The following CNTN3 variants were observed in gnomAD, a reference collection of about 807,000 sequenced individuals.
CNTN3 encodes contactin-3.
Under a neutral mutation model 119.1 loss-of-function variants are expected in CNTN3, and 60 were observed. That is an observed-to-expected ratio of 0.50 (90% CI 0.41 to 0.62). CNTN3 has a LOEUF of 0.62. Among genes scored for constraint, CNTN3 ranks in the 20% least tolerant of loss-of-function variants. CNTN3 has a pLI of 0.00. For missense variants in CNTN3, 1,101 were observed against 1,242.4 expected, an observed-to-expected ratio of 0.89 and a Z score of 1.71; for synonymous variants, 450 against 438.7, an observed-to-expected ratio of 1.03 and a Z score of -0.32.
intron 5 of CNTN3, among the ~76,000 whole-genome samples, chr3:74,412,703 T>C (rs1295121748): frequency 6.6e-6 from 1 of 152,134 alleles, no homozygotes; most frequent in Admixed American, 6.6e-5. Context: ...ATTTAAAAAA[T>C]ATTGGAAAAT....
chr3:74,273,618 C>G (rs1701824347), intron 20 of CNTN3, among the ~76,000 whole-genome samples: 2 of 152,106 alleles, frequency 1.3e-5, no homozygotes, highest in East Asian at 3.9e-4. Context: ...AATTTAGGAG[C>G]TGAGTGAAAT....
intron 2 of CNTN3, among the ~76,000 whole-genome samples, chr3:74,506,408 T>G (rs189160106): frequency 6.6e-6 from 1 of 152,152 alleles, no homozygotes; most frequent in South Asian, 2.1e-4. Flanking sequence ...GGTTAATTTA[T>G]AGTTATAGCG....
intron 5 of CNTN3, among the ~76,000 whole-genome samples, chr3:74,382,924 C>G (rs1704656821): frequency 6.6e-6 from 1 of 152,126 alleles, no homozygotes; most frequent in Non-Finnish European, 1.5e-5. Flanking sequence ...TCAAATCCTC[C>G]ATTGTCATTA....
intron 1 of CNTN3, among the ~76,000 whole-genome samples, chr3:74,540,636 A>C (rs1703830445): frequency 6.6e-6 from 1 of 152,084 alleles, no homozygotes; most frequent in Non-Finnish European, 1.5e-5. Context: ...CAATCAAGCA[A>C]TTTGCACACG....
chr3:74,472,659 G>C (rs1245331422), intron 4 of CNTN3, among the ~76,000 whole-genome samples: 1 of 152,182 alleles, frequency 6.6e-6, no homozygotes, highest in East Asian at 1.9e-4. Context: ...ATGAGACCAG[G>C]TTGAAAAGCA....
At chr3:74,472,932 G>A (rs12489548) in intron 4 of CNTN3, among the ~76,000 whole-genome samples, 20,589 of 151,898 alleles carry the variant, frequency 0.14, 1,726 homozygotes, top group East Asian at 0.46. Context: ...GCTAATTGTC[G>A]GTAATTTTTA....
At chr3:74,493,282 C>A in intron 3 of CNTN3, among the ~76,000 whole-genome samples, 1 of 152,128 alleles carries the variant, frequency 6.6e-6, no homozygotes, top group Non-Finnish European at 1.5e-5. Context: ...GCTAATAAGG[C>A]TAGGCAATAT....
At chr3:74,562,955 G>A (rs1219094875) in intron 1 of CNTN3, among the ~76,000 whole-genome samples, 8 of 152,152 alleles carry the variant, frequency 5.3e-5, no homozygotes, top group Non-Finnish European at 7.3e-5. Flanking sequence ...CCTGGCATGC[G>A]AAGAGATAAT....
chr3:74,301,146 G>A (rs558917), intron 16 of CNTN3, among the ~76,000 whole-genome samples: 62,183 of 152,032 alleles, frequency 0.41, 15,495 homozygotes, highest in East Asian at 0.72. Context: ...AGTGACAAAA[G>A]CATATTCACT....
rs145022774 is a variant in CNTN3, at chr3:74,543,657, T to A, written c.-80-22465A>T. Among the ~76,000 whole-genome samples, 500 of 152,314 alleles carry A rather than the reference T, an allele frequency of 3.3e-3. 2 individuals carry two copies. Among genetic ancestry groups the A allele is most frequent in the South Asian group, 1.0e-2 (48 of 4,824 alleles). ...AGATTTCACATTTTACGTATAGATA[T>A]TAATTTGTACCCCTCCTCCTAAAAA... On this transcript the variant is annotated intron_variant, in intron 1 of 22. Coordinates refer to ENST00000263665, the MANE Select transcript of CNTN3 (RefSeq NM_020872.3).
chr3:74,329,604 T>C (rs924927635), intron 13 of CNTN3, among the ~76,000 whole-genome samples: 1 of 152,196 alleles, frequency 6.6e-6, no homozygotes, highest in Admixed American at 6.5e-5. Context: ...CCCTCAACAT[T>C]TGTAAAATCA....
At chr3:74,568,195 G>T (rs1369993799) in intron 1 of CNTN3, among the ~76,000 whole-genome samples, 2 of 152,170 alleles carry the variant, frequency 1.3e-5, no homozygotes, top group African/African-American at 4.8e-5. Flanking sequence ...ATGATTTAAT[G>T]AAGGAAAACA....
intron 20 of CNTN3, among the ~76,000 whole-genome samples, chr3:74,281,262 A>G (rs1199715879): frequency 6.6e-6 from 1 of 152,174 alleles, no homozygotes; most frequent in Non-Finnish European, 1.5e-5. Context: ...CCTGATCTAC[A>G]GGAGAGAGTT....
chr3:74,573,329 C>T (rs750094826), intron 1 of CNTN3, among the ~76,000 whole-genome samples: 5 of 151,926 alleles, frequency 3.3e-5, no homozygotes, highest in Admixed American at 6.6e-5. Flanking sequence ...ACTCCCATCC[C>T]ATGCCAATCT....
intron 1 of CNTN3, among the ~76,000 whole-genome samples, chr3:74,565,068 A>G (rs1259509068): frequency 6.6e-6 from 1 of 152,146 alleles, no homozygotes; most frequent in African/African-American, 2.4e-5. Context: ...CCCAAAAGAA[A>G]AGAAAAAGAC....
At chr3:74,483,937 C>T (rs1425025575) in intron 4 of CNTN3, among the ~76,000 whole-genome samples, 3 of 152,104 alleles carry the variant, frequency 2.0e-5, no homozygotes, top group African/African-American at 7.2e-5. Flanking sequence ...TTTTGTCATA[C>T]ATGTCGTATT....
chr3:74,563,768 C>A (rs114679788), intron 1 of CNTN3, among the ~76,000 whole-genome samples: 1,964 of 152,206 alleles, frequency 0.013, 51 homozygotes, highest in African/African-American at 0.045. Context: ...TATCTATTCA[C>A]CACACCATTT....
intron 2 of CNTN3, among the ~76,000 whole-genome samples, chr3:74,507,626 C>CTTTTTTTTT (rs59540461): frequency 1.9e-5 from 2 of 103,650 alleles, no homozygotes; most frequent in Non-Finnish European, 3.7e-5. Context: ...TTCTTTCTTT[C>CTTTTTTTTT]TTTTTTTTTT....
intron 4 of CNTN3, among the ~76,000 whole-genome samples, chr3:74,443,701 T>C (rs1166189435): frequency 2.0e-5 from 3 of 152,142 alleles, no homozygotes; most frequent in Non-Finnish European, 4.4e-5. Context: ...TAACTACTAT[T>C]AATCCCTCAA....
Sources: allele counts gnomAD v4.1 joint callset (sites outside exome capture counted in the v4.1 genomes callset), GRCh38; gene constraint gnomAD v4.1.1; transcripts MANE v1.5; gene names NCBI Gene and HGNC (gene_info 2026-07-23, HGNC 2026-07-21).